The following NISCH variants were observed in gnomAD, a reference collection of about 807,000 sequenced individuals.
The protein encoded by NISCH is I-1 receptor candidate protein.
Under a neutral mutation model 138.4 loss-of-function variants are expected in NISCH, and 55 were observed. The observed-to-expected ratio is 0.40, with a 90% CI of 0.32 to 0.50. NISCH has a LOEUF of 0.50. Among genes scored for constraint, NISCH ranks in the 20% least tolerant of loss-of-function variants. The probability of loss-of-function intolerance (pLI) is 0.71; values close to 1 mark genes in which losing one functional copy is unlikely to be tolerated. For synonymous variants in NISCH, 860 were observed against 861.5 expected (o/e 1.00, Z 0.03); for missense variants, 1,643 against 2,005.5 (o/e 0.82, Z 3.45).
intron 3 of NISCH, among the ~76,000 whole-genome samples, chr3:52,467,476 G>C (rs574774387): frequency 6.6e-6 from 1 of 152,138 alleles, no homozygotes; most frequent in South Asian, 2.1e-4. Flanking sequence ...TGAGCCCACC[G>C]TTTGACCAGC....
At chr3:52,484,672 T>G in intron 14 of NISCH, 35 bp downstream of exon 14, 2 of 1,611,960 alleles carry the variant, frequency 1.2e-6, no homozygotes, top group Non-Finnish European at 1.7e-6. Flanking sequence ...GGACCATACA[T>G]CTGTGGGTGG....
At chr3:52,490,647 C>G in intron 18 of NISCH, 58 bp from the exon 19 acceptor site, 2 of 1,611,194 alleles carry the variant, frequency 1.2e-6, no homozygotes, top group Non-Finnish European at 1.7e-6. Flanking sequence ...TGCTGCACAC[C>G]TAGGAACCTT....
chr3:52,457,709 G>C, intron 1 of NISCH, 134 bp from the exon 2 acceptor site: 2 of 733,190 alleles, frequency 2.7e-6, no homozygotes, highest in Non-Finnish European at 4.9e-6. Flanking sequence ...TTGGCCTTGG[G>C]GTGGGTCTGA....
At chr3:52,480,896 T>G in intron 13 of NISCH, 1 of 1,534,500 alleles carries the variant, frequency 6.5e-7, no homozygotes, top group Non-Finnish European at 8.7e-7. Context: ...CGGAGATGAG[T>G]GAGTGAAGCA....
rs1707358980 is a variant in NISCH at position 52,484,535 on chromosome 3, G to A, written c.1551G>A (p.Glu517=). The A allele has an allele frequency of 1.2e-6, 2 of 1,612,394 alleles. No individual in the cohort carries two copies. Among genetic ancestry groups the A allele is most frequent in the Non-Finnish European group, 8.5e-7 (1 of 1,179,598 alleles). The change falls in exon 14 of 21, where the codon GAG becomes GAA. Residue 517 remains glutamate, a synonymous_variant. Coordinates refer to ENST00000345716, the MANE Select transcript of NISCH (RefSeq NM_007184.4). Reference sequence around the variant, plus strand: ...CAGGAATCATGTTCGTTCAGGAGGAGGCCCTGGCCAGCAGCCTCTCGTCCA... The same window carrying A: ...CAGGAATCATGTTCGTTCAGGAGGAAGCCCTGGCCAGCAGCCTCTCGTCCA... ...SNQGIMFVQE[E]ALASSLSSTD...
At chr3:52,477,663 T>C (rs1420216446) in intron 9 of NISCH, 21 bp downstream of exon 9, 2 of 1,599,648 alleles carry the variant, frequency 1.3e-6, no homozygotes, top group African/African-American at 2.7e-5. Flanking sequence ...TGGAGACCAG[T>C]GCTGCCCGCA....
intron 11 of NISCH, among the ~76,000 whole-genome samples, chr3:52,479,234 T>C (rs1284269250): frequency 6.6e-6 from 1 of 152,042 alleles, no homozygotes; most frequent in African/African-American, 2.4e-5. Context: ...CCTTGGGACC[T>C]TCCCTCATTC....
At chr3:52,467,440 G>A (rs554850020) in intron 3 of NISCH, among the ~76,000 whole-genome samples, 1 of 152,336 alleles carries the variant, frequency 6.6e-6, no homozygotes, top group South Asian at 2.1e-4. Flanking sequence ...GGCGTGGGGA[G>A]GCCTGACTCT....
At chr3:52,481,376 C>T in intron 13 of NISCH, 1 of 988,976 alleles carries the variant, frequency 1.0e-6, no homozygotes, top group Non-Finnish European at 1.2e-6. Context: ...AAGAGAATTC[C>T]TGAGCGTGGA....
rs1706437794 is a variant in NISCH, at chr3:52,455,613, C to T, written c.-29C>T. ...GCCCCCTGCTGCTGCTAGTCTGCGC[C>T]GGGCGGCGGTGGCGGCGGAGACCCG... On this transcript the variant is annotated 5_prime_UTR_variant, in exon 1 of 21. Transcript: ENST00000345716. The T allele has an allele frequency of 2.3e-6, 3 of 1,293,824 alleles. No individual in the cohort carries two copies. The highest frequency in any genetic ancestry group is 2.9e-5 in the South Asian group (1 of 33,964). The allele number at this position is 1,293,824 out of a possible 1,614,324, so 80.1% of individuals were successfully genotyped here.
chr3:52,486,867 T>C (rs952813373), intron 15 of NISCH, among the ~76,000 whole-genome samples: 1 of 152,220 alleles, frequency 6.6e-6, no homozygotes, highest in Non-Finnish European at 1.5e-5. Flanking sequence ...CTCCGGGGCT[T>C]ATGGCAGCAA....
intron 3 of NISCH, among the ~76,000 whole-genome samples, chr3:52,460,257 T>TC (rs1483131359): frequency 1.3e-4 from 20 of 148,192 alleles, no homozygotes; most frequent in Admixed American, 2.7e-4. Flanking sequence ...ATGCCTGTGA[T>TC]CCCAGCTCTT....
intron 13 of NISCH, chr3:52,481,070 T>C (rs1302534709): frequency 2.3e-6 from 3 of 1,314,226 alleles, no homozygotes; most frequent in Non-Finnish European, 2.9e-6. Flanking sequence ...TTCAACCCGA[T>C]GTTTTAAGAG....
intron 8 of NISCH, 146 bp downstream of exon 8, chr3:52,476,745 A>G: frequency 2.4e-6 from 2 of 831,458 alleles, no homozygotes; most frequent in Non-Finnish European, 3.7e-6. Flanking sequence ...GTTAATTACA[A>G]AATGGGGGCT....
chr3:52,470,996 C>G (rs1375345597), intron 4 of NISCH, 89 bp downstream of exon 4: 4 of 1,359,522 alleles, frequency 2.9e-6, no homozygotes, highest in Non-Finnish European at 4.2e-6. Flanking sequence ...AGAAGTCACT[C>G]TGGAGCCCAC....
chr3:52,474,486 C>T (rs960467467), intron 7 of NISCH, among the ~76,000 whole-genome samples: 11 of 152,168 alleles, frequency 7.2e-5, no homozygotes, highest in South Asian at 4.2e-4. Flanking sequence ...TTAGTAGAGA[C>T]GGGGTTTCAC....
At chr3:52,475,990 T>C (rs1415583403) in intron 7 of NISCH, 1 of 158,004 alleles carries the variant, frequency 6.3e-6, no homozygotes, top group Non-Finnish European at 1.4e-5. Flanking sequence ...ATGCAAAAAT[T>C]AGCCAGGCAT....
At chr3:52,466,052 G>C (rs1706770719) in intron 3 of NISCH, among the ~76,000 whole-genome samples, 1 of 152,236 alleles carries the variant, frequency 6.6e-6, no homozygotes. Context: ...TACAATCTTA[G>C]CATTGGCTTT....
At chr3:52,472,781 C>G (rs1706989459) in intron 6 of NISCH, among the ~76,000 whole-genome samples, 1 of 152,264 alleles carries the variant, frequency 6.6e-6, no homozygotes, top group Non-Finnish European at 1.5e-5. Context: ...TGGCAAAGAG[C>G]TTTGAAGATG....
Sources: allele counts gnomAD v4.1 joint callset (sites outside exome capture counted in the v4.1 genomes callset), GRCh38; gene constraint gnomAD v4.1.1; transcripts MANE v1.5; gene names NCBI Gene and HGNC (gene_info 2026-07-23, HGNC 2026-07-21).